EPC2: variants seen among roughly 807,000 people sequenced by gnomAD.
EPC2 encodes enhancer of polycomb homolog 2.
In EPC2, 14 loss-of-function variants were observed where a neutral mutation model predicts 92.1. The ratio of observed to expected loss-of-function variants is 0.15; its 90% confidence interval spans 0.10 to 0.24. The LOEUF (loss-of-function observed/expected upper bound fraction) is 0.24, where lower values mean the gene tolerates loss of function less well. Among genes scored for constraint, EPC2 ranks in the 10% least tolerant of loss-of-function variants. The pLI, the probability that EPC2 is intolerant of heterozygous loss-of-function variation, is 1.00. For missense variants in EPC2, 755 were observed against 971.5 expected (o/e 0.78, Z 2.96); for synonymous variants, 340 against 334.7 (o/e 1.02, Z -0.17).
Position 148,771,073 on chromosome 2 carries a change from A to T in EPC2, c.1406A>T (p.His469Leu). 6.2e-7 allele frequency: 1 copy of T among 1,611,112 alleles called. No individual in the cohort carries two copies. Residue 469 changes from histidine to leucine, a missense_variant, in exon 10 of 14, where the codon CAT (histidine) becomes CTT (leucine). Transcript: ENST00000258484. ...RVIMDRISTEHDPVLKQIDPE... is the reference protein window; with the variant it reads ...RVIMDRISTELDPVLKQIDPE... Reference sequence around the variant, plus strand: ...ATAATGGACCGAATATCCACAGAACATGACCCAGTCCTGAAACAGATAGAC... The same window carrying T: ...ATAATGGACCGAATATCCACAGAACTTGACCCAGTCCTGAAACAGATAGAC...
chr2:148,667,436 A>G (rs1681076471), intron 1 of EPC2, among the ~76,000 whole-genome samples: 2 of 152,244 alleles, frequency 1.3e-5, no homozygotes, highest in South Asian at 2.1e-4. Context: ...TGTAACTAGT[A>G]TATAGAATTA....
At chr2:148,776,218 A>C (rs559902390) in intron 10 of EPC2, among the ~76,000 whole-genome samples, 1 of 152,228 alleles carries the variant, frequency 6.6e-6, no homozygotes. Flanking sequence ...TAGGATTGAT[A>C]TAATGTGATT....
intron 2 of EPC2, among the ~76,000 whole-genome samples, chr2:148,723,954 A>T (rs1682434790): frequency 6.6e-6 from 1 of 152,102 alleles, no homozygotes; most frequent in Non-Finnish European, 1.5e-5. Context: ...GTGTTTTAAA[A>T]ATGTCTTCAG....
chr2:148,683,045 C>G (rs1468640695), intron 1 of EPC2, among the ~76,000 whole-genome samples: 1 of 150,510 alleles, frequency 6.6e-6, no homozygotes, highest in Non-Finnish European at 1.5e-5. Flanking sequence ...CTTTTTTTTT[C>G]CTTATTCACA....
intron 8 of EPC2, 33 bp from the exon 9 acceptor site, chr2:148,770,758 AG>A: frequency 1.3e-6 from 2 of 1,579,830 alleles, no homozygotes; most frequent in Non-Finnish European, 1.7e-6. Flanking sequence ...TTACTCCATG[AG>A]TTTTTTGTTT....
At chr2:148,748,774 A>T (rs1683034929) in intron 3 of EPC2, among the ~76,000 whole-genome samples, 1 of 152,110 alleles carries the variant, frequency 6.6e-6, no homozygotes, top group Admixed American at 6.6e-5. Context: ...AAATAACGTC[A>T]GGTGTGGAAT....
At chr2:148,776,692 T>C (rs1683650763) in intron 10 of EPC2, among the ~76,000 whole-genome samples, 1 of 152,040 alleles carries the variant, frequency 6.6e-6, no homozygotes, top group Non-Finnish European at 1.5e-5. Context: ...AAATTGCATA[T>C]AGTCAGCATA....
At chr2:148,665,470 G>A (rs1681038889) in intron 1 of EPC2, among the ~76,000 whole-genome samples, 1 of 152,100 alleles carries the variant, frequency 6.6e-6, no homozygotes, top group Non-Finnish European at 1.5e-5. Context: ...GTCTTACTTA[G>A]CATTAGGAAA....
intron 3 of EPC2, among the ~76,000 whole-genome samples, chr2:148,748,465 C>T (rs1358753503): frequency 6.6e-6 from 1 of 152,104 alleles, no homozygotes; most frequent in Non-Finnish European, 1.5e-5. Context: ...TCTTTAAAAT[C>T]ATCCCAAACA....
intron 1 of EPC2, chr2:148,645,371 C>G (rs1243717549): frequency 1.7e-5 from 9 of 536,696 alleles, no homozygotes; most frequent in Non-Finnish European, 6.7e-6. Flanking sequence ...TTGTTGCGTC[C>G]CAGTGTTGTG....
At chr2:148,674,020 T>C (rs1251317718) in intron 1 of EPC2, among the ~76,000 whole-genome samples, 1 of 152,238 alleles carries the variant, frequency 6.6e-6, no homozygotes, top group Non-Finnish European at 1.5e-5. Context: ...TCTTGCTTTA[T>C]TGGGCTGTTT....
intron 6 of EPC2, among the ~76,000 whole-genome samples, chr2:148,763,233 A>G (rs554525073): frequency 5.7e-4 from 87 of 152,254 alleles, no homozygotes; most frequent in Admixed American, 1.2e-3. Context: ...TATTGTCATC[A>G]TCATTTCCAG....
chr2:148,717,093 C>T (rs915932670), intron 2 of EPC2, among the ~76,000 whole-genome samples: 2 of 151,354 alleles, frequency 1.3e-5, no homozygotes, highest in East Asian at 1.9e-4. Flanking sequence ...TCCCCCTTAT[C>T]ATTTCTGATT....
chr2:148,720,958 A>G (rs1324814645), intron 2 of EPC2, among the ~76,000 whole-genome samples: 1 of 152,190 alleles, frequency 6.6e-6, no homozygotes, highest in Non-Finnish European at 1.5e-5. Context: ...GAATTGCTTC[A>G]TTAAGACTAT....
intron 3 of EPC2, among the ~76,000 whole-genome samples, chr2:148,749,492 T>C (rs1016273486): frequency 4.6e-5 from 7 of 151,556 alleles, no homozygotes; most frequent in African/African-American, 1.2e-4. Context: ...TTTTTTTTTT[T>C]CATCATGCAG....
chr2:148,663,216 TA>T (rs1680978138), intron 1 of EPC2, among the ~76,000 whole-genome samples: 1 of 146,760 alleles, frequency 6.8e-6, no homozygotes, highest in Admixed American at 6.8e-5. Context: ...TTATTATTAT[TA>T]TTATTATTAT....
intron 2 of EPC2, among the ~76,000 whole-genome samples, chr2:148,720,969 A>G (rs1682361089): frequency 6.6e-6 from 1 of 152,146 alleles, no homozygotes; most frequent in African/African-American, 2.4e-5. Context: ...TTAAGACTAT[A>G]TCTGTCTGTA....
intron 1 of EPC2, among the ~76,000 whole-genome samples, chr2:148,678,537 C>T (rs112533245): frequency 6.6e-6 from 1 of 152,240 alleles, no homozygotes; most frequent in Non-Finnish European, 1.5e-5. Flanking sequence ...AGGTCCCGAG[C>T]CCTGCCACAC....
At chr2:148,736,821 C>T (rs967108205) in intron 2 of EPC2, among the ~76,000 whole-genome samples, 2 of 151,872 alleles carry the variant, frequency 1.3e-5, no homozygotes, top group African/African-American at 2.4e-5. Context: ...GTTTCAGGGC[C>T]GCACACGATG....
Sources: gnomAD v4.1 joint callset for allele counts (sites outside exome capture counted in the v4.1 genomes callset) on GRCh38, gnomAD v4.1.1 for gene constraint, MANE v1.5 for transcripts, NCBI Gene and HGNC (gene_info 2026-07-23, HGNC 2026-07-21) for gene names.